Variants in MUC5AC observed in about 807,000 individuals in gnomAD.
The protein encoded by MUC5AC is mucin-5AC.
In MUC5AC, 158 loss-of-function variants were observed where a neutral mutation model predicts 169.7. That is an observed-to-expected ratio of 0.93 (90% CI 0.82 to 1.06). The LOEUF (loss-of-function observed/expected upper bound fraction) is 1.06. MUC5AC is among the 50% of genes least tolerant of loss of function. The pLI is 0.00. For synonymous variants in MUC5AC, 1,975 were observed against 1,237.0 expected (o/e 1.60, Z -12.52); for missense variants, 4,359 against 3,089.9 (o/e 1.41, Z -9.74).
chr11:1,171,943 T>C (rs1355249175), intron 15 of MUC5AC, among the ~76,000 whole-genome samples: 982 of 62,786 alleles, frequency 0.016, 5 homozygotes, highest in South Asian at 0.047. Context: ...ATCCACTCAT[T>C]CACTCACTCA....
Position 1,200,316 on chromosome 11 carries a change from C to T in MUC5AC, c.16701-122C>T, listed in dbSNP as rs1383993607. The T allele has an allele frequency of 1.7e-5, 10 of 602,178 alleles. No individual in the cohort carries two copies. In the African/African-American group the frequency reaches 1.7e-4, roughly 10 times the overall value. 37.3% of individuals were successfully genotyped at this position (602,178 alleles called of 1,614,324 possible). ...GCAAAGGAGAGCTGGTTGTCAGACA[C>T]TGGCAGCATGCCTCCAGGAGCAGGG... On this transcript the variant is annotated intron_variant, in intron 48 of 48. Transcript: ENST00000621226.
intron 6 of MUC5AC, 95 bp downstream of exon 6, chr11:1,163,140 A>T: frequency 8.7e-7 from 1 of 1,145,774 alleles, no homozygotes. Context: ...GGGCACACAC[A>T]TGCACAGATA....
Position 1,186,895 on chromosome 11 carries a change from C to A in MUC5AC, c.8750C>A (p.Thr2917Asn), listed in dbSNP as rs1860963466. 2.8e-6 allele frequency: 2 copies of A among 716,328 alleles called. No homozygotes were observed. Among genetic ancestry groups the A allele is most frequent in the Admixed American group, 1.9e-5 (1 of 51,352 alleles). The allele number at this position is 716,328 out of a possible 1,614,324, so 44.4% of individuals were successfully genotyped here. A position where few individuals can be genotyped will look rare whatever the true frequency, so the allele number is the denominator to read the frequency against. ...ACCTCTGCCCCTACAACCAGCACAACCTCTGCCCCTACAAGCAGCACAACC... is the reference window on the plus strand; with the variant it reads ...ACCTCTGCCCCTACAACCAGCACAAACTCTGCCCCTACAAGCAGCACAACC... The part of the protein sequence containing the change: ...STTSAPTTST[T>N]SAPTSSTTSA... The change falls in exon 31 of 49, where the codon ACC (threonine) becomes AAC (asparagine). Residue 2917 changes from threonine to asparagine, a missense_variant. Coordinates refer to ENST00000621226, the MANE Select transcript of MUC5AC (RefSeq NM_001304359.2).
chr11:1,186,484 C>G lies in MUC5AC; in HGVS notation c.8339C>G (p.Thr2780Arg), dbSNP rs1215675759. The G allele has an allele frequency of 5.8e-6, 4 of 695,420 alleles. No individual in the cohort carries two copies. The highest frequency in any genetic ancestry group is 1.0e-5 in the Non-Finnish European group (4 of 381,040). The allele number at this position is 695,420 out of a possible 1,614,324, so 43.1% of individuals were successfully genotyped here. Residue 2780 changes from threonine to arginine, a missense_variant, in exon 31 of 49, where the codon ACA (threonine) becomes AGA (arginine). Thr to Arg is a moderately conservative substitution (Grantham distance 71, BLOSUM62 -1). Transcript: ENST00000621226. ...TSTTSATTTS[T>R]ISAPTTSTTL... ...ACAACCTCTGCTACTACAACCAGCACAATCTCTGCCCCTACAACCAGCACA... is the reference window on the plus strand; with the variant it reads ...ACAACCTCTGCTACTACAACCAGCAGAATCTCTGCCCCTACAACCAGCACA...
intron 30 of MUC5AC, among the ~76,000 whole-genome samples, chr11:1,181,731 T>G (rs1011464231): frequency 0.98 from 149,746 of 152,338 alleles, 73,660 homozygotes; most frequent in Non-Finnish European, 1. Flanking sequence ...CTGGCCTCAT[T>G]GGGGTGTCAG....
In MUC5AC at chr11:1,200,810, T is replaced by G. The variant is rs539772013; in HGVS notation, c.*108T>G. ...GCCCCTGTCCAGGCGGCTGCAGCTT[T>G]GAACACACTGTCCACGCCCGCTTTC... On this transcript the variant is annotated 3_prime_UTR_variant, in exon 49 of 49. Transcript: ENST00000621226. 1 of 657,486 alleles carries G rather than the reference T, an allele frequency of 1.5e-6. No individual in the cohort carries two copies. The highest frequency in any genetic ancestry group is 1.8e-5 in the South Asian group (1 of 57,028). 40.7% of individuals were successfully genotyped at this position (657,486 alleles called of 1,614,324 possible). A position where few individuals can be genotyped will look rare whatever the true frequency, so the allele number is the denominator to read the frequency against.
chr11:1,161,854 G>T (rs1860149387), intron 3 of MUC5AC, 53 bp from the exon 4 acceptor site: 6 of 1,569,520 alleles, frequency 3.8e-6, no homozygotes, highest in Admixed American at 3.6e-5. Context: ...GGCAGGGGGT[G>T]CAGGGCGAGG....
chr11:1,170,550 C>T (rs1314885308), intron 15 of MUC5AC, among the ~76,000 whole-genome samples: 12 of 130,458 alleles, frequency 9.2e-5, no homozygotes, highest in African/African-American at 3.3e-4. Flanking sequence ...CTCACTCGCC[C>T]ACTCACCCAC....
Position 1,191,573 on chromosome 11 carries a change from T to G in MUC5AC, c.13428T>G (p.Gly4476=), listed in dbSNP as rs865991517. Residue 4476 remains glycine, a synonymous_variant, in exon 31 of 49, where the codon GGT becomes GGG. Coordinates refer to ENST00000621226, the MANE Select transcript of MUC5AC (RefSeq NM_001304359.2). The part of the protein sequence containing the change: ...TSAPITSMTS[G]PGTTPSPVPT... ...CTCCTATAACCAGCATGACCTCTGG[T>G]CCTGGAACTACTCCCAGCCCTGTTC... 3 of 751,068 alleles carry G rather than the reference T, an allele frequency of 4.0e-6. No homozygotes were observed. Among genetic ancestry groups the G allele is most frequent in the Non-Finnish European group, 7.3e-6 (3 of 412,610 alleles). 46.5% of individuals were successfully genotyped at this position (751,068 alleles called of 1,614,324 possible).
Position 1,161,944 on chromosome 11 carries a change from C to A in MUC5AC, c.249C>A (p.Thr83=). ...CGCACAACGGGCGGGTGTGCAGCAC[C>A]TGGGGCAGCTTCCACTACAAGACCT... ...NPAHNGRVCS[T]WGSFHYKTFD... The change falls in exon 4 of 49, where the codon ACC becomes ACA. Residue 83 remains threonine (T), a synonymous_variant. Transcript: ENST00000621226. 1 of 1,612,058 alleles carries A rather than the reference C, an allele frequency of 6.2e-7. No homozygotes were observed.
At chr11:1,163,802 C>T in intron 6 of MUC5AC, 80 bp from the exon 7 acceptor site, 1 of 1,168,662 alleles carries the variant, frequency 8.6e-7, no homozygotes, top group Non-Finnish European at 1.2e-6. Context: ...GGGACCCGGC[C>T]CTGGGGGCTC....
At chr11:1,167,205 C>G (rs925008936) in intron 11 of MUC5AC, among the ~76,000 whole-genome samples, 2 of 146,544 alleles carry the variant, frequency 1.4e-5, no homozygotes, top group African/African-American at 5.3e-5. Context: ...AGACCCTGCA[C>G]CCAACACACA....
chr11:1,197,724 G>A lies in MUC5AC; in HGVS notation c.16033+85G>A, dbSNP rs115816065. On this transcript the variant is annotated intron_variant, in intron 41 of 48. Coordinates refer to ENST00000621226, the MANE Select transcript of MUC5AC (RefSeq NM_001304359.2). ...GGCCCGGACTTTGCTGCTGCCTTGG[G>A]GCGTGCACCTGGGGACAGTGCCTAC... 6.7e-3 allele frequency: 4,287 copies of A among 637,070 alleles called. 137 individuals are homozygous for A. The African/African-American group carries it at 0.068, about 10-fold the overall frequency. The allele number at this position is 637,070 out of a possible 1,614,324, so 39.5% of individuals were successfully genotyped here.
At chr11:1,196,814 C>A (rs1278894507) in intron 39 of MUC5AC, 63 bp from the exon 40 acceptor site, 2 of 745,380 alleles carry the variant, frequency 2.7e-6, no homozygotes, top group East Asian at 2.5e-5. Context: ...CAATATGGGA[C>A]CCTGCCTCTC....
exon 49 of MUC5AC, chr11:1,201,123 C>CTTGAGCATTTTGCAA (rs1861418575): frequency 6.0e-6 from 1 of 165,528 alleles, no homozygotes; most frequent in Non-Finnish European, 1.3e-5. Flanking sequence ...CATAAATACA[C>CTTGAGCATTTTGCAA]TTGAGCATTT....
intron 21 of MUC5AC, 82 bp downstream of exon 21, chr11:1,176,747 C>T (rs1860697292): frequency 2.5e-6 from 1 of 398,430 alleles, no homozygotes; most frequent in Non-Finnish European, 4.4e-6. Flanking sequence ...GAGCCCCCAG[C>T]ACAGGGGTCC....
chr11:1,164,465 C>T lies in MUC5AC; in HGVS notation c.1062C>T (p.Thr354=), dbSNP rs55827090. ...AGTGCCGCTCCCCCTGCGCAGACAC[C>T]TGCTCCAACCAGGAGCACTCCCGGG... The part of the protein sequence containing the change: ...YHECRSPCAD[T]CSNQEHSRAC... Residue 354 remains threonine (T), a synonymous_variant, in exon 9 of 49, where the codon ACC becomes ACT. Coordinates refer to ENST00000621226, the MANE Select transcript of MUC5AC (RefSeq NM_001304359.2). 6.2e-7 allele frequency: 1 copy of T among 1,612,060 alleles called. No homozygotes were observed. Among genetic ancestry groups the T allele is most frequent in the South Asian group, 1.1e-5 (1 of 90,902 alleles).
intron 24 of MUC5AC, 108 bp downstream of exon 24, chr11:1,177,741 A>C: frequency 5.2e-6 from 2 of 382,378 alleles, no homozygotes; most frequent in East Asian, 3.8e-5. Flanking sequence ...AGAGAAACAC[A>C]GAGATGGAAG....
At chr11:1,169,247 C>G (rs1437748347) in intron 15 of MUC5AC, 2 of 861,906 alleles carry the variant, frequency 2.3e-6, no homozygotes, top group Non-Finnish European at 2.8e-6. Flanking sequence ...AGAAAGGGTA[C>G]AAGTCTCTGT....
Sources: gnomAD v4.1 joint callset for allele counts (sites outside exome capture counted in the v4.1 genomes callset) on GRCh38, gnomAD v4.1.1 for gene constraint, MANE v1.5 for transcripts, NCBI Gene and HGNC (gene_info 2026-07-23, HGNC 2026-07-21) for gene names.